GALNTL6: variants seen among roughly 807,000 people sequenced by gnomAD.
The protein encoded by GALNTL6 is polypeptide N-acetylgalactosaminyltransferase like 6.
A neutral mutation model predicts 73.7 loss-of-function variants in GALNTL6; 46 were observed. The ratio of observed to expected loss-of-function variants is 0.62; its 90% CI spans 0.49 to 0.80. The LOEUF (loss-of-function observed/expected upper bound fraction) is 0.80. Among genes scored for constraint, GALNTL6 ranks in the 30% least tolerant of loss-of-function variants. The pLI is 0.00. For missense variants in GALNTL6, 604 were observed against 755.0 expected (o/e 0.80, Z 2.34); for synonymous variants, 259 against 263.7 (o/e 0.98, Z 0.17).
intron 12 of GALNTL6, among the ~76,000 whole-genome samples, chr4:173,034,550 C>T (rs539960984): frequency 2.6e-5 from 4 of 152,286 alleles, no homozygotes; most frequent in African/African-American, 9.6e-5. Flanking sequence ...TGTTCTCTAA[C>T]CACCAGGGTG....
At chr4:172,034,404 G>A (rs1352801081) in intron 2 of GALNTL6, among the ~76,000 whole-genome samples, 1 of 14,416 alleles carries the variant, frequency 6.9e-5, no homozygotes, top group Non-Finnish European at 1.5e-4. Context: ...GCGTGCGTGT[G>A]TGTGTGTGTG....
At position 172,955,215 on chromosome 4, in the gene GALNTL6, C is replaced by T. The variant is rs570240353; in HGVS notation, c.1371+2957C>T. 2.6e-5 allele frequency among the ~76,000 whole-genome samples: 4 copies of T among 152,208 alleles called. No homozygotes were observed. The South Asian group carries it at 6.2e-4, about 24-fold the overall frequency. On this transcript the variant is annotated intron_variant, in intron 10 of 12. Coordinates refer to ENST00000506823, the MANE Select transcript of GALNTL6 (RefSeq NM_001034845.3). Reference sequence around the variant, plus strand: ...TGGCTAGGCTGGGCACGGTGGTTCACGCCTGTAATCCCAGCACTTTGGGAG... The same window carrying T: ...TGGCTAGGCTGGGCACGGTGGTTCATGCCTGTAATCCCAGCACTTTGGGAG...
intron 5 of GALNTL6, among the ~76,000 whole-genome samples, chr4:172,519,107 C>CAT (rs938500491): frequency 1.9e-4 from 28 of 151,272 alleles, no homozygotes; most frequent in African/African-American, 6.0e-4. Context: ...TACACACACA[C>CAT]ACACACATAC....
intron 2 of GALNTL6, among the ~76,000 whole-genome samples, chr4:172,156,693 ACAAT>A (rs1283889847): frequency 2.6e-5 from 4 of 151,332 alleles, no homozygotes; most frequent in Admixed American, 1.3e-4. Context: ...CTAGGAAAAC[ACAAT>A]CAAGTTGGGG....
chr4:172,755,351 C>G (rs1737695381), intron 5 of GALNTL6, among the ~76,000 whole-genome samples: 1 of 150,818 alleles, frequency 6.6e-6, no homozygotes, highest in Non-Finnish European at 1.5e-5. Context: ...AATTCACTTG[C>G]CGAATACCAC....
intron 2 of GALNTL6, among the ~76,000 whole-genome samples, chr4:172,212,023 T>A (rs182725723): frequency 6.6e-6 from 1 of 152,328 alleles, no homozygotes; most frequent in East Asian, 1.9e-4. Context: ...GTTGTTTGTC[T>A]TTAGTTTTCC....
intron 2 of GALNTL6, among the ~76,000 whole-genome samples, chr4:172,219,633 G>GA: frequency 6.6e-6 from 1 of 151,892 alleles, no homozygotes; most frequent in Middle Eastern, 3.4e-3. Flanking sequence ...ATTAAAGCTT[G>GA]AAAAACATCT....
At chr4:172,782,249 T>G (rs551090691) in intron 5 of GALNTL6, among the ~76,000 whole-genome samples, 67 of 152,286 alleles carry the variant, frequency 4.4e-4, no homozygotes, top group African/African-American at 1.6e-3. Flanking sequence ...TAAGCACTGA[T>G]AGATTTATAG....
chr4:172,082,603 G>C (rs1438348685), intron 2 of GALNTL6, among the ~76,000 whole-genome samples: 1 of 152,208 alleles, frequency 6.6e-6, no homozygotes, highest in Non-Finnish European at 1.5e-5. Context: ...AGAAAAGCAA[G>C]AAAGATTGTG....
Position 172,809,590 on chromosome 4 carries a change from A to T in GALNTL6, c.739+44A>T, listed in dbSNP as rs1164936436. 24 of 1,495,470 alleles carry T rather than the reference A, an allele frequency of 1.6e-5. No homozygotes were observed. The highest frequency in any genetic ancestry group is 2.1e-5 in the Non-Finnish European group (23 of 1,100,772). The allele number at this position is 1,495,470 out of a possible 1,614,324, so 92.6% of individuals were successfully genotyped here. A position where few individuals can be genotyped will look rare whatever the true frequency, so the allele number is the denominator to read the frequency against. ...GCACCATCCTGGGATGCCTCAGGGGAACTGAGCGGTTTGCTTCTATTTAGT... is the reference window on the plus strand; with the variant it reads ...GCACCATCCTGGGATGCCTCAGGGGTACTGAGCGGTTTGCTTCTATTTAGT... On this transcript the variant is annotated intron_variant, in intron 6 of 12. Coordinates refer to ENST00000506823, the MANE Select transcript of GALNTL6 (RefSeq NM_001034845.3). The surrounding 1 kb of genome is among the most constrained non-coding windows in gnomAD (Gnocchi z 4.4).
chr4:172,935,863 C>T (rs1361403719), intron 9 of GALNTL6, among the ~76,000 whole-genome samples: 2 of 152,174 alleles, frequency 1.3e-5, no homozygotes, highest in Non-Finnish European at 2.9e-5. Context: ...CAAAGAGGAG[C>T]TAATACCATT....
At chr4:172,745,505 A>T (rs1405115137) in intron 5 of GALNTL6, among the ~76,000 whole-genome samples, 1 of 151,616 alleles carries the variant, frequency 6.6e-6, no homozygotes, top group Non-Finnish European at 1.5e-5. Context: ...AAAAACACAG[A>T]ATCATCTGAC....
intron 5 of GALNTL6, among the ~76,000 whole-genome samples, chr4:172,767,113 T>C (rs1579454472): frequency 1.3e-5 from 2 of 152,308 alleles, no homozygotes; most frequent in South Asian, 4.1e-4. Context: ...TGCATGAGAA[T>C]GGGAGCCAGT....
intron 5 of GALNTL6, among the ~76,000 whole-genome samples, chr4:172,604,247 A>C (rs1051275246): frequency 1.3e-5 from 2 of 152,218 alleles, no homozygotes; most frequent in African/African-American, 4.8e-5. Context: ...GACTAGCTGT[A>C]AGTTGCTTCA....
intron 2 of GALNTL6, among the ~76,000 whole-genome samples, chr4:172,191,235 T>G (rs1050421657): frequency 6.6e-6 from 1 of 152,222 alleles, no homozygotes; most frequent in Non-Finnish European, 1.5e-5. Context: ...TCTCACTTAC[T>G]GAATCAAACA....
rs776755864 is a variant in GALNTL6, at chr4:172,809,549, G to A, written c.739+3G>A. ...GAACTGGCTGCCCCCACTCCTCAGT[G>A]AGTACAGGTTGCTAAGCACCATCCT... On this transcript the variant is annotated splice_donor_region_variant and intron_variant, in intron 6 of 12. Transcript: ENST00000506823. This position sits in a 1 kb window ranked among gnomAD's most constrained non-coding sequence, Gnocchi z 4.4. The A allele has an allele frequency of 3.1e-6, 5 of 1,609,432 alleles. No individual in the cohort carries two copies. The highest frequency in any genetic ancestry group is 4.2e-6 in the Non-Finnish European group (5 of 1,177,702).
intron 2 of GALNTL6, among the ~76,000 whole-genome samples, chr4:172,162,544 A>G (rs1734503797): frequency 6.6e-6 from 1 of 152,006 alleles, no homozygotes; most frequent in Non-Finnish European, 1.5e-5. Context: ...GGTCACGAGG[A>G]AACCTCCAAA....
chr4:172,542,146 C>T (rs1735574024), intron 5 of GALNTL6, among the ~76,000 whole-genome samples: 1 of 151,578 alleles, frequency 6.6e-6, no homozygotes, highest in East Asian at 2.0e-4. Context: ...CAGAAAGGAC[C>T]GGCTGGCGGC....
At chr4:172,966,925 G>C (rs1175197820) in intron 10 of GALNTL6, among the ~76,000 whole-genome samples, 2 of 152,208 alleles carry the variant, frequency 1.3e-5, no homozygotes, top group Admixed American at 1.3e-4. Flanking sequence ...TCACAGGAGA[G>C]ACCTTTTTAG....
Sources: gnomAD v4.1 joint callset for allele counts (sites outside exome capture counted in the v4.1 genomes callset) on GRCh38, gnomAD v4.1.1 for gene constraint, Gnocchi (gnomAD v3.1) non-coding constraint, MANE v1.5 for transcripts, NCBI Gene and HGNC (gene_info 2026-07-23, HGNC 2026-07-21) for gene names.